The following HERC2 variants were observed in gnomAD, a reference collection of about 807,000 sequenced individuals.
The protein encoded by HERC2 is E3 ubiquitin-protein ligase HERC2.
A neutral mutation model predicts 537.7 loss-of-function variants in HERC2; 102 were observed. The ratio of observed to expected loss-of-function variants is 0.19; its 90% confidence interval spans 0.16 to 0.22. The LOEUF is 0.22. Ranked by LOEUF, HERC2 falls within the 10% of genes least tolerant of loss-of-function variation. HERC2 has a pLI of 1.00. For missense variants in HERC2, 4,236 were observed against 6,198.2 expected, an observed-to-expected ratio of 0.68 and a Z score of 10.63; for synonymous variants, 2,224 against 2,466.2, an observed-to-expected ratio of 0.90 and a Z score of 2.91.
chr15:28,173,174 A>G (rs908967605), intron 65 of HERC2, among the ~76,000 whole-genome samples: 1 of 152,206 alleles, frequency 6.6e-6, no homozygotes, highest in African/African-American at 2.4e-5. Flanking sequence ...GATCTTAAGA[A>G]GCTAGACGTA....
intron 12 of HERC2, among the ~76,000 whole-genome samples, chr15:28,266,984 C>G (rs764843559): frequency 2.6e-5 from 4 of 152,178 alleles, no homozygotes; most frequent in Non-Finnish European, 4.4e-5. Context: ...CAGCACTCTG[C>G]AATCTATACT....
chr15:28,287,044 T>C (rs755219742), intron 4 of HERC2, among the ~76,000 whole-genome samples: 23 of 152,258 alleles, frequency 1.5e-4, no homozygotes, highest in Non-Finnish European at 2.6e-4. Flanking sequence ...AATATGTGCG[T>C]GCGCGCTGTA....
chr15:28,131,411 G>GCAGCAACAGGCTCCCAAGTACC (rs1890093280), intron 81 of HERC2, among the ~76,000 whole-genome samples: 1 of 152,176 alleles, frequency 6.6e-6, no homozygotes, highest in Admixed American at 6.5e-5. Context: ...AGACAGGTTC[G>GCAGCAACAGGCTCCCAAGTACC]CAGCAACAGG....
rs150343365 is a variant in HERC2, at chr15:28,251,216, G to A, written c.3051-2480C>T. Among the ~76,000 whole-genome samples, 99 of 152,270 alleles carry A rather than the reference G, an allele frequency of 6.5e-4. 1 individual carries two copies. Among genetic ancestry groups the A allele is most frequent in the African/African-American group, 2.3e-3 (96 of 41,562 alleles). On this transcript the variant is annotated intron_variant, in intron 20 of 92. Coordinates refer to ENST00000261609, the MANE Select transcript of HERC2 (RefSeq NM_004667.6). ...CCAACACTTTTGGAGGCCAAGGCGG[G>A]CAGATTACCTCAGGTTGGGAGTTCA...
Position 28,163,359 on chromosome 15 carries a change from T to C in HERC2, c.10555-74A>G, listed in dbSNP as rs367728956. ...AGATAAAGAGTCACCAGTTTACCCA[T>C]AAACTCAGAGAACACATGAATACCA... On this transcript the variant is annotated intron_variant, in intron 68 of 92. Transcript: ENST00000261609. 1.5e-3 allele frequency: 2,017 copies of C among 1,382,832 alleles called. 37 individuals carry two copies. In the South Asian group the frequency reaches 0.025, roughly 17 times the overall value. The allele number at this position is 1,382,832 out of a possible 1,614,324, so 85.7% of individuals were successfully genotyped here.
At chr15:28,132,905 C>CG in intron 79 of HERC2, 75 bp from the exon 80 acceptor site, 3 of 1,081,032 alleles carry the variant, frequency 2.8e-6, no homozygotes, top group South Asian at 2.3e-5. Flanking sequence ...AAATACCTCT[C>CG]AATCTACACC....
chr15:28,318,824 TCTTC>T (rs1370073761), intron 2 of HERC2, among the ~76,000 whole-genome samples: 2 of 151,028 alleles, frequency 1.3e-5, no homozygotes, highest in Non-Finnish European at 3.0e-5. Flanking sequence ...CTCCAAAAAC[TCTTC>T]CTTTCTAAAG....
rs1303181888 is a variant in HERC2 at position 28,111,104 on chromosome 15, T to C, written c.*659A>G. ...AGGCATATACATGACACAAACATTA[T>C]ATATAGTACACTTTCCATGATAGAA... On this transcript the variant is annotated 3_prime_UTR_variant, in exon 93 of 93. Transcript: ENST00000261609. The C allele has an allele frequency of 6.6e-6, 1 of 152,226 alleles. No homozygotes were observed. Among genetic ancestry groups the C allele is most frequent in the African/African-American group, 2.4e-5 (1 of 41,440 alleles). The allele number at this position is 152,226 out of a possible 1,614,324, so 9.4% of individuals were successfully genotyped here. A position where few individuals can be genotyped will look rare whatever the true frequency, so the allele number is the denominator to read the frequency against.
chr15:28,295,915 C>G (rs925634303), intron 3 of HERC2, among the ~76,000 whole-genome samples: 18 of 152,056 alleles, frequency 1.2e-4, no homozygotes, highest in African/African-American at 3.9e-4. Flanking sequence ...TCCACTGAGA[C>G]CTTAAAATAT....
Position 28,255,770 on chromosome 15 carries a change from A to G in HERC2, c.2871+102T>C, listed in dbSNP as rs930115665. On this transcript the variant is annotated intron_variant, in intron 19 of 92. Transcript: ENST00000261609. The stretch of plus-strand genomic sequence containing the variant: ...ATTTAAAAAATACTTGGATATGATA[A>G]AAGTTTAGAGTTTTACTGTTTTCAG... 4.7e-6 allele frequency: 6 copies of G among 1,276,340 alleles called. No homozygotes were observed. The African/African-American group carries it at 7.5e-5, about 16-fold the overall frequency. The allele number at this position is 1,276,340 out of a possible 1,614,324, so 79.1% of individuals were successfully genotyped here.
rs374191134 is a variant in HERC2 at position 28,146,220 on chromosome 15, C to T, written c.11008+17G>A. 1 of 1,584,428 alleles carries T rather than the reference C, an allele frequency of 6.3e-7. No homozygotes were observed. The highest frequency in any genetic ancestry group is 1.3e-5 in the African/African-American group (1 of 74,414). ...ACAGGTGGGTAGATCATGCCCTGCT[C>T]AACCTCCTGTCCTTACCTGACCGCA... On this transcript the variant is annotated intron_variant, in intron 71 of 92. Transcript: ENST00000261609.
rs753548895 is a variant in HERC2 at position 28,191,132 on chromosome 15, G to C, written c.8557+7C>G. 1.2e-6 allele frequency: 2 copies of C among 1,603,606 alleles called. No homozygotes were observed. Among genetic ancestry groups the C allele is most frequent in the South Asian group, 2.2e-5 (2 of 90,862 alleles). ...GTACTTCTTTTTAGGTAAACTAACTGAATTACCTGACACTACAACCAGGGA... is the reference window on the plus strand; with the variant it reads ...GTACTTCTTTTTAGGTAAACTAACTCAATTACCTGACACTACAACCAGGGA... On this transcript the variant is annotated splice_region_variant and intron_variant, in intron 54 of 92. Transcript: ENST00000261609.
rs548260659 is a variant in HERC2 at position 28,230,644 on chromosome 15, C to G, written c.4676-144G>C. 780 of 592,492 alleles carry G rather than the reference C, an allele frequency of 1.3e-3. 5 individuals carry two copies. The highest frequency in any genetic ancestry group is 0.013 in the African/African-American group (705 of 53,816). The allele number at this position is 592,492 out of a possible 1,614,324, so 36.7% of individuals were successfully genotyped here. On this transcript the variant is annotated intron_variant, in intron 30 of 92. Transcript: ENST00000261609. ...CATTATAAATTGCAATGCTCAACAA[C>G]AAGAGTGAAATGATCACCCTGGCAG...
At chr15:28,212,410 G>A (rs373714671) in intron 43 of HERC2, 35 bp downstream of exon 43, 7 of 1,582,048 alleles carry the variant, frequency 4.4e-6, no homozygotes, top group East Asian at 2.3e-5. Flanking sequence ...AGTTTAAGAC[G>A]GCAGCTATTT....
chr15:28,206,832 C>CAAA (rs71132838), intron 44 of HERC2, among the ~76,000 whole-genome samples: 13 of 51,440 alleles, frequency 2.5e-4, no homozygotes, highest in African/African-American at 6.2e-4. Context: ...GACTCGGTCT[C>CAAA]AAAAAAAAAA....
intron 23 of HERC2, among the ~76,000 whole-genome samples, chr15:28,240,795 A>T (rs1381566578): frequency 1.3e-4 from 20 of 152,234 alleles, no homozygotes; most frequent in Admixed American, 1.3e-3. Context: ...CTCAATGGGG[A>T]AAGAAGAGCC....
chr15:28,131,900 T>C (rs1890147130), intron 81 of HERC2, among the ~76,000 whole-genome samples, 200 bp downstream of exon 81: 1 of 152,142 alleles, frequency 6.6e-6, no homozygotes, highest in Non-Finnish European at 1.5e-5. Flanking sequence ...CCTTACTCCC[T>C]CTAGGCCCTC....
chr15:28,134,567 T>C (rs1313891394), intron 79 of HERC2, among the ~76,000 whole-genome samples: 1 of 152,188 alleles, frequency 6.6e-6, no homozygotes, highest in Non-Finnish European at 1.5e-5. Context: ...TTTTGGTCTG[T>C]TGCCATTAAC....
At chr15:28,131,411 G>A (rs1273731575) in intron 81 of HERC2, among the ~76,000 whole-genome samples, 1 of 152,176 alleles carries the variant, frequency 6.6e-6, no homozygotes, top group Non-Finnish European at 1.5e-5. Context: ...AGACAGGTTC[G>A]CAGCAACAGG....
Sources: allele counts gnomAD v4.1 joint callset (sites outside exome capture counted in the v4.1 genomes callset), GRCh38; gene constraint gnomAD v4.1.1; transcripts MANE v1.5; gene names NCBI Gene and HGNC (gene_info 2026-07-23, HGNC 2026-07-21).